The following RALGAPA2 variants were observed in gnomAD, a reference collection of about 807,000 sequenced individuals.
RALGAPA2 encodes ral GTPase-activating protein subunit alpha-2.
In RALGAPA2, 139 loss-of-function variants were observed where a neutral mutation model predicts 230.4. The ratio of observed to expected loss-of-function variants is 0.60; its 90% confidence interval spans 0.53 to 0.69. The LOEUF (loss-of-function observed/expected upper bound fraction) is 0.69. Among genes scored for constraint, RALGAPA2 ranks in the 30% least tolerant of loss-of-function variants. RALGAPA2 has a pLI of 0.00. For missense variants in RALGAPA2, 2,163 were observed against 2,276.0 expected, an observed-to-expected ratio of 0.95 and a Z score of 1.01; for synonymous variants, 847 against 837.8, an observed-to-expected ratio of 1.01 and a Z score of -0.19.
chr20:20,459,811 C>T (rs2061259898), intron 37 of RALGAPA2, among the ~76,000 whole-genome samples: 2 of 152,202 alleles, frequency 1.3e-5, no homozygotes, highest in Admixed American at 1.3e-4. Context: ...TACACAAAAA[C>T]GTGAATTATT....
chr20:20,410,032 T>C (rs2060028286), intron 38 of RALGAPA2, among the ~76,000 whole-genome samples: 1 of 152,222 alleles, frequency 6.6e-6, no homozygotes, highest in South Asian at 2.1e-4. Context: ...GGGAGTAGCA[T>C]TTGTCTTGAT....
At chr20:20,609,837 A>G (rs1434648915) in intron 14 of RALGAPA2, among the ~76,000 whole-genome samples, 1 of 152,260 alleles carries the variant, frequency 6.6e-6, no homozygotes, top group African/African-American at 2.4e-5. Flanking sequence ...ACGCATCAGC[A>G]GAGCAAAGCT....
chr20:20,701,467 G>A (rs1426719928), intron 1 of RALGAPA2, among the ~76,000 whole-genome samples: 12 of 152,214 alleles, frequency 7.9e-5, no homozygotes, highest in African/African-American at 2.6e-4. Flanking sequence ...GGCCGGGCGC[G>A]GTGGCTCACG....
At chr20:20,473,545 C>T (rs2061584919) in intron 36 of RALGAPA2, among the ~76,000 whole-genome samples, 1 of 152,090 alleles carries the variant, frequency 6.6e-6, no homozygotes, top group Admixed American at 6.5e-5. Context: ...TGTAGTGGCA[C>T]AATCATAGCC....
At chr20:20,570,859 C>T (rs898324929) in intron 23 of RALGAPA2, among the ~76,000 whole-genome samples, 1 of 152,178 alleles carries the variant, frequency 6.6e-6, no homozygotes, top group Admixed American at 6.5e-5. Flanking sequence ...CAGAAGTCTT[C>T]CCAAGGGAGG....
intron 8 of RALGAPA2, 40 bp downstream of exon 8, chr20:20,637,323 C>T (rs1266599632): frequency 6.8e-7 from 1 of 1,468,818 alleles, no homozygotes; most frequent in Non-Finnish European, 9.1e-7. Flanking sequence ...GCATAGCTTT[C>T]CTTTGGATAT....
At chr20:20,688,438 A>G (rs527335101) in intron 1 of RALGAPA2, among the ~76,000 whole-genome samples, 4 of 152,226 alleles carry the variant, frequency 2.6e-5, no homozygotes, top group Admixed American at 6.5e-5. Flanking sequence ...CAGTGCTATC[A>G]TGGCGTGAAA....
At chr20:20,637,523 G>C (rs1272567727) in intron 7 of RALGAPA2, 22 bp from the exon 8 acceptor site, 1 of 1,530,472 alleles carries the variant, frequency 6.5e-7, no homozygotes, top group African/African-American at 1.4e-5. Context: ...ATGTGGAAAA[G>C]AACATATGTA....
intron 20 of RALGAPA2, among the ~76,000 whole-genome samples, chr20:20,576,762 C>A (rs1329823519): frequency 1.3e-5 from 2 of 151,858 alleles, no homozygotes; most frequent in Non-Finnish European, 2.9e-5. Flanking sequence ...AGAAATTATC[C>A]TTTATTTTTA....
chr20:20,472,562 C>A, intron 37 of RALGAPA2: 1 of 241,938 alleles, frequency 4.1e-6, no homozygotes, highest in Non-Finnish European at 7.9e-6. Context: ...AAGATATGAG[C>A]ATCTCATAAT....
intron 20 of RALGAPA2, among the ~76,000 whole-genome samples, chr20:20,577,720 G>A (rs2064862520): frequency 6.6e-6 from 1 of 152,052 alleles, no homozygotes; most frequent in Non-Finnish European, 1.5e-5. Flanking sequence ...GAGCCCCCAA[G>A]TGAACAAGAA....
At chr20:20,493,110 A>C (rs2062106616) in intron 36 of RALGAPA2, among the ~76,000 whole-genome samples, 1 of 152,222 alleles carries the variant, frequency 6.6e-6, no homozygotes, top group Non-Finnish European at 1.5e-5. Context: ...GATAGAGAGG[A>C]CAGCCTTTTC....
intron 23 of RALGAPA2, among the ~76,000 whole-genome samples, chr20:20,562,041 C>T (rs2064270666): frequency 6.6e-6 from 1 of 152,160 alleles, no homozygotes; most frequent in African/African-American, 2.4e-5. Context: ...GACTAGCTCA[C>T]CACAGTAGAA....
intron 37 of RALGAPA2, among the ~76,000 whole-genome samples, chr20:20,443,979 C>T (rs895189017): frequency 5.3e-5 from 8 of 152,246 alleles, no homozygotes; most frequent in South Asian, 2.1e-4. Context: ...TTCCTGGCTG[C>T]GCATGAGAAT....
In RALGAPA2 at chr20:20,420,156, C is replaced by G. The variant is rs530956757; in HGVS notation, c.5496-8008G>C. Among the ~76,000 whole-genome samples, 3 of 152,226 alleles carry G rather than the reference C, an allele frequency of 2.0e-5. No individual in the cohort carries two copies. The East Asian group carries it at 5.8e-4, about 29-fold the overall frequency. Reference sequence around the variant, plus strand: ...CATGAGCGGGAAGGAAGTTGGGATACTTCAGGAGGAGAAAGGAGACTGGAG... The same window carrying G: ...CATGAGCGGGAAGGAAGTTGGGATAGTTCAGGAGGAGAAAGGAGACTGGAG... On this transcript the variant is annotated intron_variant, in intron 37 of 39. Coordinates refer to ENST00000202677, the MANE Select transcript of RALGAPA2 (RefSeq NM_020343.4).
chr20:20,686,629 AG>A (rs1452589462), intron 1 of RALGAPA2, among the ~76,000 whole-genome samples: 2 of 152,270 alleles, frequency 1.3e-5, no homozygotes, highest in East Asian at 3.9e-4. Context: ...TAAGAGCTTC[AG>A]TCAGCATTAT....
chr20:20,537,669 A>T (rs2063533505), intron 24 of RALGAPA2, among the ~76,000 whole-genome samples: 1 of 151,958 alleles, frequency 6.6e-6, no homozygotes, highest in South Asian at 2.1e-4. Context: ...AACTCAGCCA[A>T]CACTAGCAGA....
chr20:20,528,166 G>T (rs1267812110), intron 27 of RALGAPA2, among the ~76,000 whole-genome samples: 2 of 152,192 alleles, frequency 1.3e-5, no homozygotes, highest in African/African-American at 4.8e-5. Context: ...TGCAGGCAGG[G>T]TGGTGTTACT....
intron 37 of RALGAPA2, among the ~76,000 whole-genome samples, chr20:20,423,166 G>C (rs757510707): frequency 1.3e-5 from 2 of 152,160 alleles, no homozygotes; most frequent in African/African-American, 2.4e-5. Flanking sequence ...AGGTGTAAGT[G>C]ACCAGGAGGG....
Sources: gnomAD v4.1 joint callset for allele counts (sites outside exome capture counted in the v4.1 genomes callset) on GRCh38, gnomAD v4.1.1 for gene constraint, MANE v1.5 for transcripts, NCBI Gene and HGNC (gene_info 2026-07-23, HGNC 2026-07-21) for gene names.